Variants in CDC42BPG observed in about 807,000 individuals in gnomAD.
CDC42BPG encodes the protein CDC42 binding protein kinase gamma, also known as serine/threonine-protein kinase MRCK gamma.
A neutral mutation model predicts 192.2 loss-of-function variants in CDC42BPG; 157 were observed. That is an observed-to-expected ratio of 0.82 (90% CI 0.72 to 0.93). The LOEUF is 0.93. CDC42BPG is among the 40% of genes least tolerant of loss of function. CDC42BPG has a pLI of 0.00. For synonymous variants in CDC42BPG, 981 were observed against 918.5 expected (o/e 1.07, Z -1.23); for missense variants, 1,992 against 2,122.1 (o/e 0.94, Z 1.20).
At chr11:64,831,473 A>G in intron 28 of CDC42BPG, 32 bp downstream of exon 28, 1 of 1,582,852 alleles carries the variant, frequency 6.3e-7, no homozygotes, top group Non-Finnish European at 8.6e-7. Flanking sequence ...GCAGGCCTGA[A>G]CTGCTTCCTC....
chr11:64,836,705 C>CCGGGGGCGGG, intron 11 of CDC42BPG, 34 bp downstream of exon 11: 1 of 352,552 alleles, frequency 2.8e-6, no homozygotes, highest in South Asian at 3.3e-5. Context: ...GGACTCAGCC[C>CCGGGGGCGGG]TGGGGGGGGG....
In CDC42BPG at chr11:64,836,127, G is replaced by A; in HGVS notation, c.1658C>T (p.Ala553Val). ...LSSQLEEARA[A>V]QRELEAQVSS... The stretch of plus-strand genomic sequence containing the variant: ...ACCCTGGTCACTCACCTCCCTCTGG[G>A]CAGCCCGGGCTTCCTCCAGCTGGGA... Residue 553 changes from alanine to valine, a missense_variant, in exon 13 of 37, where the codon GCC (alanine) becomes GTC (valine). By Grantham distance (64) the Ala-to-Val change is moderately conservative. Around this residue, in one of 2 missense-constraint regions of CDC42BPG, gnomAD observed 1,656 missense variants for 1,844.3 expected, o/e 0.90. Transcript: ENST00000342711. 6.3e-7 allele frequency: 1 copy of A among 1,598,722 alleles called. No individual in the cohort carries two copies. The highest frequency in any genetic ancestry group is 8.5e-7 in the Non-Finnish European group (1 of 1,174,502).
At position 64,824,385 on chromosome 11, in the gene CDC42BPG, C is replaced by T. The variant is rs957416023; in HGVS notation, c.*88G>A. On this transcript the variant is annotated 3_prime_UTR_variant, in exon 37 of 37. Transcript: ENST00000342711. ...TCCCTGAGTCCGAATTTCCATGTCCCGGACCAGCCGGAGTATGGCATTCCT... is the reference window on the plus strand; with the variant it reads ...TCCCTGAGTCCGAATTTCCATGTCCTGGACCAGCCGGAGTATGGCATTCCT... The T allele has an allele frequency of 1.7e-5, 17 of 976,534 alleles. No individual in the cohort carries two copies. The highest frequency in any genetic ancestry group is 2.7e-5 in the Non-Finnish European group (16 of 597,204). 60.5% of individuals were successfully genotyped at this position (976,534 alleles called of 1,614,324 possible).
intron 1 of CDC42BPG, among the ~76,000 whole-genome samples, chr11:64,843,963 G>T (rs1319374694): frequency 6.6e-6 from 1 of 152,290 alleles, no homozygotes; most frequent in South Asian, 2.1e-4. Context: ...GGTCTGCAGC[G>T]CTCCCTGGGT....
At chr11:64,830,416 C>A in intron 28 of CDC42BPG, 160 bp from the exon 29 acceptor site, 1 of 688,748 alleles carries the variant, frequency 1.5e-6, no homozygotes. Flanking sequence ...CCAGTCTGGA[C>A]AGGCTTTTCC....
intron 28 of CDC42BPG, 114 bp downstream of exon 28, chr11:64,831,389 GTC>G (rs1291461607): frequency 2.1e-6 from 2 of 972,550 alleles, no homozygotes; most frequent in African/African-American, 3.2e-5. Flanking sequence ...GTGCAAGGCA[GTC>G]TGTGTCTCGT....
intron 27 of CDC42BPG, among the ~76,000 whole-genome samples, 166 bp from the exon 28 acceptor site, chr11:64,831,887 C>T (rs1011633402): frequency 6.6e-6 from 1 of 152,256 alleles, no homozygotes; most frequent in Non-Finnish European, 1.5e-5. Flanking sequence ...GCGACCAGCG[C>T]CATAATGGGG....
chr11:64,824,118 G>C lies in CDC42BPG; in HGVS notation c.*355C>G. On this transcript the variant is annotated 3_prime_UTR_variant, in exon 37 of 37. Coordinates refer to ENST00000342711, the MANE Select transcript of CDC42BPG (RefSeq NM_017525.3). ...ATAAGACCTCCAACCTGTTCCCAGA[G>C]ACCCAGTCCCTCTCCATCCCTCATC... The C allele has an allele frequency of 2.9e-6, 1 of 350,428 alleles. No homozygotes were observed. The highest frequency in any genetic ancestry group is 4.3e-5 in the Admixed American group (1 of 23,254). The allele number at this position is 350,428 out of a possible 1,614,324, so 21.7% of individuals were successfully genotyped here.
At chr11:64,827,474 G>C in intron 32 of CDC42BPG, 53 bp downstream of exon 32, 1 of 1,603,982 alleles carries the variant, frequency 6.2e-7, no homozygotes, top group Non-Finnish European at 8.5e-7. Context: ...GGGCCACACA[G>C]CCACACGTGC....
In CDC42BPG at chr11:64,841,461, A is replaced by G. The variant is rs375639018; in HGVS notation, c.336+189T>C. Among the ~76,000 whole-genome samples the G allele has an allele frequency of 5.9e-5, 9 of 152,240 alleles. No individual in the cohort carries two copies. In the South Asian group the frequency reaches 1.9e-3, roughly 32 times the overall value. On this transcript the variant is annotated intron_variant, in intron 3 of 36. Transcript: ENST00000342711. ...AGCAAGATTCCGTCTCAAAAAAAAA[A>G]AAAAAATTTAAAAAATTAAATAAAG...
In CDC42BPG at chr11:64,844,468, G is replaced by C. The variant is rs1413115613; in HGVS notation, c.102C>G (p.His34Gln). 6.8e-7 allele frequency: 1 copy of C among 1,460,462 alleles called. No homozygotes were observed. The highest frequency in any genetic ancestry group is 2.9e-5 in the East Asian group (1 of 34,158). The allele number at this position is 1,460,462 out of a possible 1,614,324, so 90.5% of individuals were successfully genotyped here. The change falls in exon 1 of 37, where the codon CAC becomes CAG. Residue 34 changes from histidine (H) to glutamine (Q), a missense_variant. Physicochemically the swap from His to Gln is conservative, Grantham distance 24. Transcript: ENST00000342711. ...GCCGTAGGGGGCCGCTGCTGAGCTC[G>C]TGGTGCAGCGCCAGCAGCAGATCTA... ...GLLDLLLALH[H>Q]ELSSGPLRRE...
intron 1 of CDC42BPG, among the ~76,000 whole-genome samples, chr11:64,842,226 G>A (rs1943313601): frequency 6.6e-6 from 1 of 152,158 alleles, no homozygotes; most frequent in South Asian, 2.1e-4. Flanking sequence ...GACTCTGCTT[G>A]GCCAGGTCAC....
intron 28 of CDC42BPG, chr11:64,830,466 A>G: frequency 1.6e-6 from 1 of 606,360 alleles, no homozygotes. Flanking sequence ...GAGCTGTGGG[A>G]TTTTGGGTAA....
Position 64,833,798 on chromosome 11 carries a change from G to T in CDC42BPG, c.2505C>A (p.Ala835=). 1 of 1,614,236 alleles carries T rather than the reference G, an allele frequency of 6.2e-7. No individual in the cohort carries two copies. The highest frequency in any genetic ancestry group is 2.2e-5 in the East Asian group (1 of 44,890). Reference sequence around the variant, plus strand: ...GATCTGGCTCTCCTCCATGCCTTGTGGCCTCTCCTGAGATGCCAGGGTCCT... The same window carrying T: ...GATCTGGCTCTCCTCCATGCCTTGTTGCCTCTCCTGAGATGCCAGGGTCCT... ...SAKDPGISGE[A]TRHGGEPDLR... is the part of the protein sequence containing the mutation. The change falls in exon 22 of 37, where the codon GCC becomes GCA. Residue 835 remains alanine, a synonymous_variant. Transcript: ENST00000342711.
chr11:64,839,274 C>T, intron 6 of CDC42BPG, 41 bp from the exon 7 acceptor site: 1 of 1,610,414 alleles, frequency 6.2e-7, no homozygotes, highest in South Asian at 1.1e-5. Flanking sequence ...CAGCTTTGGG[C>T]TTGGCTGGGA....
chr11:64,826,489 G>C lies in CDC42BPG; in HGVS notation c.4580C>G (p.Pro1527Arg). The change falls in exon 36 of 37, where the codon CCT becomes CGT. Residue 1527 changes from proline to arginine, a missense_variant. Pro to Arg is a moderately radical substitution (Grantham distance 103). Coordinates refer to ENST00000342711, the MANE Select transcript of CDC42BPG (RefSeq NM_017525.3). Reference protein sequence around the residue: ...SVSCPQGSLSPATSLMQVSER... With the variant: ...SVSCPQGSLSRATSLMQVSER... ...GCTCACCTGCATTAGGGAGGTTGCA[G>C]GGCTCAGCGATCCCTGGGGGCAGGA... is the stretch of plus-strand genomic sequence containing the variant. The C allele has an allele frequency of 6.2e-7, 1 of 1,601,412 alleles. No homozygotes were observed. Among genetic ancestry groups the C allele is most frequent in the Non-Finnish European group, 8.5e-7 (1 of 1,174,186 alleles).
rs573511245 is a variant in CDC42BPG at position 64,830,503 on chromosome 11, T to C, written c.3305-247A>G. The C allele has an allele frequency of 1.1e-4, 66 of 584,268 alleles. No individual in the cohort carries two copies. In the African/African-American group the frequency reaches 1.2e-3, roughly 10 times the overall value. 36.2% of individuals were successfully genotyped at this position (584,268 alleles called of 1,614,324 possible). On this transcript the variant is annotated intron_variant, in intron 28 of 36. Coordinates refer to ENST00000342711, the MANE Select transcript of CDC42BPG (RefSeq NM_017525.3). ...TCATGTCACCTCTCAGAGCCTTGGT[T>C]TCCTTATGTAAACTGGGGACAACGA...
chr11:64,839,497 C>A lies in CDC42BPG; in HGVS notation c.656G>T (p.Arg219Leu), dbSNP rs371265997. 1.9e-6 allele frequency: 3 copies of A among 1,613,180 alleles called. No individual in the cohort carries two copies. The highest frequency in any genetic ancestry group is 1.3e-5 in the African/African-American group (1 of 75,062). Residue 219 changes from arginine to leucine, a missense_variant, in exon 6 of 37, where the codon CGT becomes CTT. Transcript: ENST00000342711. ...IRLADFGSCL[R>L]LNTNGMVDSS... is the part of the protein sequence containing the mutation. ...CCTTACCATGCCGTTGGTGTTGAGA[C>A]GCAGGCAGGAGCCGAAGTCAGCCAG...
Position 64,836,230 on chromosome 11 carries a change from G to A in CDC42BPG, c.1555C>T (p.Gln519Ter). 6.2e-7 allele frequency: 1 copy of A among 1,600,230 alleles called. No individual in the cohort carries two copies. The highest frequency in any genetic ancestry group is 8.5e-7 in the Non-Finnish European group (1 of 1,175,628). The change falls in exon 13 of 37, where the codon CAG becomes TAG. Residue 519 changes from glutamine to a stop codon, truncating the protein, a stop_gained. Transcript: ENST00000342711. LOFTEE classifies it high-confidence loss of function. ...EQELCRAQGQQEELLQRLQEA... is the reference protein window; with the variant it reads ...EQELCRAQGQ ...TGTAGCCTCTGAAGCAGCTCCTCCT[G>A]CTGCCCCTGGGCCCTGCAGAGCTCC...
Sources: allele counts gnomAD v4.1 joint callset (sites outside exome capture counted in the v4.1 genomes callset), GRCh38; gene constraint gnomAD v4.1.1; regional missense constraint gnomAD v4.1.1; transcripts MANE v1.5; gene names NCBI Gene and HGNC (gene_info 2026-07-23, HGNC 2026-07-21).